The following MAGI2 variants were observed in gnomAD, a reference collection of about 807,000 sequenced individuals.
MAGI2 encodes the protein membrane-associated guanylate kinase, WW and PDZ domain-containing protein 2.
Under a neutral mutation model 133.3 loss-of-function variants are expected in MAGI2, and 35 were observed. The ratio of observed to expected loss-of-function variants is 0.26; its 90% CI spans 0.20 to 0.35. The LOEUF (loss-of-function observed/expected upper bound fraction) is 0.35. Among genes scored for constraint, MAGI2 ranks in the 10% least tolerant of loss-of-function variants. MAGI2 has a pLI of 1.00. For synonymous variants in MAGI2, 729 were observed against 710.6 expected (o/e 1.03, Z -0.41); for missense variants, 1,636 against 1,863.4 (o/e 0.88, Z 2.25).
At chr7:78,735,001 C>T (rs116374650) in intron 2 of MAGI2, among the ~76,000 whole-genome samples, 144 of 152,178 alleles carry the variant, frequency 9.5e-4, no homozygotes, top group Middle Eastern at 3.4e-3. Context: ...TTTTCTGTGT[C>T]GAGTTTCGTT....
intron 1 of MAGI2, among the ~76,000 whole-genome samples, chr7:79,277,189 C>T (rs1300069693): frequency 6.6e-6 from 1 of 152,078 alleles, no homozygotes; most frequent in Non-Finnish European, 1.5e-5. Flanking sequence ...CCATCCCAAC[C>T]TTCAGCAACT....
chr7:78,438,645 G>A (rs953747682), intron 6 of MAGI2, among the ~76,000 whole-genome samples: 18 of 152,048 alleles, frequency 1.2e-4, no homozygotes, highest in African/African-American at 1.9e-4. Flanking sequence ...TCCAAACCTG[G>A]GTTTTGTCTT....
chr7:78,536,343 A>T (rs1030077142), intron 3 of MAGI2, among the ~76,000 whole-genome samples: 3 of 150,674 alleles, frequency 2.0e-5, no homozygotes, highest in African/African-American at 7.3e-5. Context: ...CGATCTCCTG[A>T]CCTCGTGATC....
At chr7:78,630,244 CT>C (rs964436203) in intron 2 of MAGI2, among the ~76,000 whole-genome samples, 4 of 151,270 alleles carry the variant, frequency 2.6e-5, no homozygotes, top group Non-Finnish European at 4.4e-5. Context: ...GAGTTTAACT[CT>C]TTTTTTTGTC....
chr7:78,129,434 G>A (rs1821321052), intron 18 of MAGI2, among the ~76,000 whole-genome samples: 1 of 152,162 alleles, frequency 6.6e-6, no homozygotes. Context: ...GGAAAACTCA[G>A]GATTATTTTA....
rs10539344 is a variant in MAGI2, at chr7:79,170,137, CTTTTTTTTTTTT to C, written c.302-162943_302-162932del. ...TCAATGGTTACTTTGAGATATTATACTTTTTTTTTTTTTTTTTTTTTTTTTTTTTGAGACAGG... is the reference window on the plus strand; with the variant it reads ...TCAATGGTTACTTTGAGATATTATACTTTTTTTTTTTTTTTTTGAGACAGG... On this transcript the variant is annotated intron_variant, in intron 1 of 21. Transcript: ENST00000354212. 1.1e-3 allele frequency among the ~76,000 whole-genome samples: 49 copies of C among 42,952 alleles called. 1 individual carries two copies. The highest frequency in any genetic ancestry group is 1.3e-3 in the Admixed American group (3 of 2,288). The allele number at this position is 42,952 out of a possible 152,430, so 28.2% of individuals were successfully genotyped here. A position where few individuals can be genotyped will look rare whatever the true frequency, so the allele number is the denominator to read the frequency against.
intron 10 of MAGI2, among the ~76,000 whole-genome samples, chr7:78,211,334 T>C (rs1584413053): frequency 1.3e-5 from 2 of 152,246 alleles, no homozygotes; most frequent in South Asian, 4.2e-4. Flanking sequence ...GTCCTGGTTA[T>C]GAGGCAAAGA....
At chr7:78,337,923 T>TCCATCCAA (rs1789943016) in intron 9 of MAGI2, among the ~76,000 whole-genome samples, 1 of 151,736 alleles carries the variant, frequency 6.6e-6, no homozygotes, top group Admixed American at 6.6e-5. Context: ...CATCCATCCA[T>TCCATCCAA]CCAAGAAGTA....
chr7:79,054,934 G>C (rs377404651), intron 1 of MAGI2, among the ~76,000 whole-genome samples: 2 of 152,158 alleles, frequency 1.3e-5, no homozygotes, highest in African/African-American at 4.8e-5. Context: ...GGGATTACAG[G>C]CACACACCAC....
intron 13 of MAGI2, among the ~76,000 whole-genome samples, chr7:78,179,120 A>G (rs776264262): frequency 6.6e-6 from 1 of 152,238 alleles, no homozygotes; most frequent in Non-Finnish European, 1.5e-5. Context: ...ATGATCAGCA[A>G]TTTAAAGAAC....
chr7:79,127,048 G>A (rs150971067), intron 1 of MAGI2, among the ~76,000 whole-genome samples: 4,527 of 151,832 alleles, frequency 0.03, 86 homozygotes, highest in Middle Eastern at 0.044. Flanking sequence ...AGAACACATG[G>A]TGTTTGGTTT....
At chr7:79,112,787 G>A (rs1272150943) in intron 1 of MAGI2, among the ~76,000 whole-genome samples, 1 of 152,154 alleles carries the variant, frequency 6.6e-6, no homozygotes, top group African/African-American at 2.4e-5. Context: ...AAAAATGACT[G>A]CATGATGAAA....
intron 1 of MAGI2, among the ~76,000 whole-genome samples, chr7:79,226,927 G>GT (rs1173871383): frequency 6.6e-6 from 1 of 151,964 alleles, no homozygotes; most frequent in African/African-American, 2.4e-5. Context: ...TGATTCTTTT[G>GT]TAATGTTTAT....
chr7:78,847,395 A>C (rs1792721092), intron 2 of MAGI2, among the ~76,000 whole-genome samples: 1 of 152,018 alleles, frequency 6.6e-6, no homozygotes, highest in Non-Finnish European at 1.5e-5. Context: ...AGTTTAGAAG[A>C]GGAAGAGACT....
intron 2 of MAGI2, among the ~76,000 whole-genome samples, chr7:78,880,858 C>CA (rs1795789299): frequency 6.6e-6 from 1 of 151,932 alleles, no homozygotes; most frequent in Non-Finnish European, 1.5e-5. Context: ...CCCACAGGCT[C>CA]AAAGTAAAGA....
At chr7:78,670,722 A>G (rs913324974) in intron 2 of MAGI2, among the ~76,000 whole-genome samples, 9 of 152,166 alleles carry the variant, frequency 5.9e-5, no homozygotes, top group Non-Finnish European at 1.3e-4. Flanking sequence ...ACCAAAACAG[A>G]GATATAGATC....
intron 2 of MAGI2, among the ~76,000 whole-genome samples, chr7:78,669,208 A>G (rs1814023307): frequency 1.3e-5 from 2 of 152,200 alleles, no homozygotes; most frequent in Admixed American, 1.3e-4. Flanking sequence ...TGAAGAATCA[A>G]ATAGATGAAA....
intron 3 of MAGI2, among the ~76,000 whole-genome samples, chr7:78,569,273 A>G (rs1666176047): frequency 6.6e-6 from 1 of 152,198 alleles, no homozygotes; most frequent in African/African-American, 2.4e-5. Flanking sequence ...AAGCTTTATG[A>G]GATCAATAAC....
chr7:78,627,236 G>T lies in MAGI2; in HGVS notation c.422C>A (p.Thr141Asn). The T allele has an allele frequency of 6.5e-7, 1 of 1,539,064 alleles. No homozygotes were observed. The highest frequency in any genetic ancestry group is 8.7e-7 in the Non-Finnish European group (1 of 1,147,782). ...CTCACCCTCCTTATGTGGCCTTGTG[G>T]TGCCTGAATAAAGAAAAGTAAAAAC... ...DNLYLRTVPC[T>N]TRPHKEGEVP... Residue 141 changes from threonine (T) to asparagine (N), a missense_variant, in exon 3 of 22, where the codon ACC (threonine) becomes AAC (asparagine). This residue lies in a region of MAGI2 where 148 missense variants were observed against 239.0 expected (regional missense o/e 0.62). Transcript: ENST00000354212.
Sources: allele counts gnomAD v4.1 joint callset (sites outside exome capture counted in the v4.1 genomes callset), GRCh38; gene constraint gnomAD v4.1.1; regional missense constraint gnomAD v4.1.1; transcripts MANE v1.5; gene names NCBI Gene and HGNC (gene_info 2026-07-23, HGNC 2026-07-21).